The following TMPRSS9 variants were observed in gnomAD, a reference collection of about 807,000 sequenced individuals.
The protein encoded by TMPRSS9 is transmembrane protease serine 9.
A neutral mutation model predicts 111.4 loss-of-function variants in TMPRSS9; 113 were observed. That is an observed-to-expected ratio of 1.01 (90% confidence interval 0.87 to 1.19). The LOEUF (loss-of-function observed/expected upper bound fraction) is 1.19, where lower values mean the gene tolerates loss of function less well. TMPRSS9 is among the 50% of genes most tolerant of loss of function. The pLI is 0.00. For synonymous variants in TMPRSS9, 805 were observed against 659.1 expected (o/e 1.22, Z -3.39); for missense variants, 1,803 against 1,513.1 (o/e 1.19, Z -3.18).
At chr19:2,398,459 A>G (rs1599293200) in intron 2 of TMPRSS9, among the ~76,000 whole-genome samples, 1 of 151,848 alleles carries the variant, frequency 6.6e-6, no homozygotes, top group East Asian at 1.9e-4. Context: ...TCTACTAAAA[A>G]TACAAAAAAT....
At chr19:2,383,708 G>C (rs1455531286) in intron 1 of TMPRSS9, among the ~76,000 whole-genome samples, 1 of 135,592 alleles carries the variant, frequency 7.4e-6, no homozygotes, top group African/African-American at 2.7e-5. Flanking sequence ...GGAGGCTGAG[G>C]TGGGAGGATC....
intron 7 of TMPRSS9, 63 bp from the exon 9 acceptor site, chr19:2,408,293 C>T: frequency 1.3e-6 from 2 of 1,553,464 alleles, no homozygotes; most frequent in Non-Finnish European, 1.8e-6. Flanking sequence ...GGCGAGTGTC[C>T]CGTCTGCCTC....
intron 10 of TMPRSS9, chr19:2,414,243 CTTTT>C (rs781736770): frequency 5.1e-5 from 19 of 376,126 alleles, no homozygotes; most frequent in East Asian, 1.3e-4. Context: ...CAATGGGATA[CTTTT>C]TTTTTTTTTT....
intron 9 of TMPRSS9, among the ~76,000 whole-genome samples, chr19:2,412,870 T>C (rs1971125620): frequency 6.6e-6 from 1 of 152,112 alleles, no homozygotes; most frequent in Non-Finnish European, 1.5e-5. Flanking sequence ...GAGAAAATGC[T>C]AGGAACTAAT....
chr19:2,415,676 G>C (rs752060604), exon 11 of TMPRSS9: 1 of 1,589,580 alleles, frequency 6.3e-7, no homozygotes, highest in East Asian at 2.3e-5. Flanking sequence ...CCAGAATGTG[G>C]GGCCAGGCCT....
At chr19:2,425,966 G>A (rs1419558264) in exon 18 of TMPRSS9, 6 of 1,607,114 alleles carry the variant, frequency 3.7e-6, no homozygotes, top group South Asian at 1.1e-5. Flanking sequence ...GGAGCCCTCT[G>A]GACGGTGGGT....
chr19:2,392,251 T>C (rs1226401217), intron 1 of TMPRSS9, among the ~76,000 whole-genome samples: 1 of 151,770 alleles, frequency 6.6e-6, no homozygotes, highest in Non-Finnish European at 1.5e-5. Context: ...TCAGTGAAAA[T>C]GAGTGGTTGT....
rs141184059 is a variant in TMPRSS9 at position 2,403,722 on chromosome 19, G to A, written c.670+527G>A. ...AAAAAAAAAAAAATTGGCCAGGCAC[G>A]GTGGCTCACACCTGTAATCCCAGCA... On this transcript the variant is annotated intron_variant, in intron 6 of 17. Coordinates refer to ENST00000648592, the Ensembl canonical transcript of TMPRSS9. 8.2e-3 allele frequency among the ~76,000 whole-genome samples: 1,240 copies of A among 151,692 alleles called. 20 individuals are homozygous for A. The highest frequency in any genetic ancestry group is 0.028 in the African/African-American group (1,166 of 41,384).
chr19:2,405,999 T>C (rs1970960981), intron 7 of TMPRSS9, among the ~76,000 whole-genome samples: 1 of 144,972 alleles, frequency 6.9e-6, no homozygotes, highest in East Asian at 2.1e-4. Flanking sequence ...CCCGGCCTCT[T>C]TTCTTTCTTT....
chr19:2,393,368 C>T (rs776706298), intron 1 of TMPRSS9, among the ~76,000 whole-genome samples: 6 of 152,118 alleles, frequency 3.9e-5, no homozygotes, highest in Admixed American at 6.6e-5. Flanking sequence ...CTGCAACACT[C>T]CCTGGGAAGG....
intron 1 of TMPRSS9, among the ~76,000 whole-genome samples, chr19:2,368,667 C>A (rs1356913657): frequency 6.6e-6 from 1 of 151,626 alleles, no homozygotes; most frequent in South Asian, 2.1e-4. Flanking sequence ...TTAGACCAGG[C>A]TAGACATGGC....
At position 2,422,075 on chromosome 19, in the gene TMPRSS9, G is replaced by GACAGCTGGCCTCACAGTCCC. The variant is rs1971478484; in HGVS notation, c.2377_2396dup (p.Gly800GlnfsTer22). 1.9e-6 allele frequency: 3 copies of GACAGCTGGCCTCACAGTCCC among 1,609,572 alleles called. No individual in the cohort carries two copies. Among genetic ancestry groups the GACAGCTGGCCTCACAGTCCC allele is most frequent in the Non-Finnish European group, 2.5e-6 (3 of 1,177,738 alleles). Reference sequence around the variant, plus strand: ...TGCTGGCCACCACCAGCCCCAGGACGACAGCTGGCCTCACAGTCCCGGGGG... The same window carrying GACAGCTGGCCTCACAGTCCC: ...TGCTGGCCACCACCAGCCCCAGGACGACAGCTGGCCTCACAGTCCCACAGCTGGCCTCACAGTCCCGGGGG... On this transcript the variant is annotated frameshift_variant, in exon 14 of 18. Transcript: ENST00000648592. LOFTEE classifies it high-confidence loss of function.
At chr19:2,362,072 CATGTGATTTGT>C (rs1432285826) in intron 1 of TMPRSS9, among the ~76,000 whole-genome samples, 1 of 151,498 alleles carries the variant, frequency 6.6e-6, no homozygotes, top group Non-Finnish European at 1.5e-5. Context: ...TGCATATGGC[CATGTGATTTGT>C]GTGTGATTGT....
At chr19:2,362,434 T>G (rs949201462) in intron 1 of TMPRSS9, among the ~76,000 whole-genome samples, 19 of 152,136 alleles carry the variant, frequency 1.2e-4, no homozygotes, top group Admixed American at 9.2e-4. Flanking sequence ...TGTGACTGCA[T>G]GTGTGAGACC....
At chr19:2,405,851 G>A (rs1460861937) in intron 7 of TMPRSS9, among the ~76,000 whole-genome samples, 12 of 149,282 alleles carry the variant, frequency 8.0e-5, no homozygotes, top group African/African-American at 2.7e-4. Flanking sequence ...GACTACAGGC[G>A]CCCGCCACCA....
At chr19:2,394,121 T>G (rs933785702) in intron 1 of TMPRSS9, among the ~76,000 whole-genome samples, 3 of 152,070 alleles carry the variant, frequency 2.0e-5, no homozygotes, top group Admixed American at 6.6e-5. Context: ...GGGAATCGCT[T>G]GGACCCAGGA....
chr19:2,426,042 G>C, exon 18 of TMPRSS9: 1 of 1,609,376 alleles, frequency 6.2e-7, no homozygotes, highest in Non-Finnish European at 8.5e-7. Context: ...GTCTATACCC[G>C]GGTGGCAGCT....
Position 2,398,769 on chromosome 19 carries a change from A to G in TMPRSS9, c.271-26A>G, listed in dbSNP as rs150011347. The G allele has an allele frequency of 2.2e-3, 3,131 of 1,394,432 alleles. 9 individuals are homozygous for G. The highest frequency in any genetic ancestry group is 0.01 in the Middle Eastern group (54 of 5,296). 86.4% of individuals were successfully genotyped at this position (1,394,432 alleles called of 1,614,324 possible). A position where few individuals can be genotyped will look rare whatever the true frequency, so the allele number is the denominator to read the frequency against. ...GGGTGCCCATGCTGTGGGTCTCAAC[A>G]TTTGATATTCTTGTTTCTATTGCAG... is the stretch of plus-strand genomic sequence containing the variant. On this transcript the variant is annotated intron_variant, in intron 2 of 17. Coordinates refer to ENST00000648592, the Ensembl canonical transcript of TMPRSS9.
intron 1 of TMPRSS9, among the ~76,000 whole-genome samples, chr19:2,390,622 G>A (rs945666956): frequency 2.0e-5 from 3 of 151,610 alleles, no homozygotes; most frequent in African/African-American, 7.3e-5. Flanking sequence ...TTGGGAGGCT[G>A]AGGCGGGAGG....
Sources: allele counts gnomAD v4.1 joint callset (sites outside exome capture counted in the v4.1 genomes callset), GRCh38; gene constraint gnomAD v4.1.1; transcripts MANE v1.5; gene names NCBI Gene and HGNC (gene_info 2026-07-23, HGNC 2026-07-21).